Variants in CA10 observed in about 807,000 individuals in gnomAD.
CA10 encodes the protein carbonic anhydrase-related protein 10.
In CA10, 14 loss-of-function variants were observed where a neutral mutation model predicts 44.2. The ratio of observed to expected loss-of-function variants is 0.32; its 90% CI spans 0.21 to 0.50. CA10 has a LOEUF of 0.50. Among genes scored for constraint, CA10 ranks in the 20% least tolerant of loss-of-function variants. The pLI, the probability that CA10 is intolerant of heterozygous loss-of-function variation, is 0.99. For synonymous variants in CA10, 159 were observed against 141.6 expected (o/e 1.12, Z -0.87); for missense variants, 350 against 409.7 (o/e 0.85, Z 1.26).
chr17:51,883,251 C>G (rs1050250729), intron 3 of CA10, among the ~76,000 whole-genome samples: 8 of 152,074 alleles, frequency 5.3e-5, no homozygotes, highest in African/African-American at 1.9e-4. Flanking sequence ...TTTTCTTTCT[C>G]TCTTCTAATT....
At chr17:51,930,055 AG>A (rs1835009434) in intron 3 of CA10, among the ~76,000 whole-genome samples, 1 of 152,132 alleles carries the variant, frequency 6.6e-6, no homozygotes, top group African/African-American at 2.4e-5. Context: ...ATACATCAGA[AG>A]GGGAAAAAGT....
rs375228295 is a variant in CA10 at position 51,747,646 on chromosome 17, G to T, written c.452C>A (p.Ala151Asp). 5 of 1,612,464 alleles carry T rather than the reference G, an allele frequency of 3.1e-6. No individual in the cohort carries two copies. Among genetic ancestry groups the T allele is most frequent in the South Asian group, 1.1e-5 (1 of 90,722 alleles). ...AGACTAACATACCTCCCCAGAGAAG[G>T]CCTGTCCATTGAGGAGGTGCTCCGA... ...QGSEHLLNGQ[A>D]FSGEVQLIHY... Residue 151 changes from alanine (A) to aspartate (D), a missense_variant, in exon 4 of 9, where the codon GCC becomes GAC. Transcript: ENST00000451037.
intron 1 of CA10, among the ~76,000 whole-genome samples, chr17:52,138,749 G>A (rs932607980): frequency 6.6e-6 from 1 of 152,146 alleles, no homozygotes; most frequent in Admixed American, 6.5e-5. Flanking sequence ...TTAGAGCAAT[G>A]CCATAATATA....
intron 4 of CA10, among the ~76,000 whole-genome samples, chr17:51,679,404 T>C (rs773619177): frequency 2.0e-5 from 3 of 150,738 alleles, no homozygotes; most frequent in East Asian, 2.0e-4. Context: ...GGACTACAAG[T>C]GCCCACCACC....
chr17:52,059,525 C>A (rs1987322201), intron 2 of CA10, among the ~76,000 whole-genome samples: 1 of 152,078 alleles, frequency 6.6e-6, no homozygotes, highest in Admixed American at 6.6e-5. Context: ...CACACACTCC[C>A]TGCCCAAGAA....
At position 51,636,013 on chromosome 17, in the gene CA10, G is replaced by C; in HGVS notation, c.635-4C>G. The C allele has an allele frequency of 6.4e-7, 1 of 1,554,128 alleles. No homozygotes were observed. On this transcript the variant is annotated splice_polypyrimidine_tract_variant and splice_region_variant and intron_variant, in intron 6 of 8. Coordinates refer to ENST00000451037, the MANE Select transcript of CA10 (RefSeq NM_020178.5). ...CCCTGTAGTAAATATGCATCATCTA[G>C]AGAAGGAAAGAAGACTTAAAAATTA...
intron 2 of CA10, among the ~76,000 whole-genome samples, chr17:52,051,766 C>T (rs192872342): frequency 6.6e-5 from 10 of 152,134 alleles, no homozygotes; most frequent in African/African-American, 2.2e-4. Flanking sequence ...AACTCAGCAG[C>T]CCCATTACTG....
Position 51,909,555 on chromosome 17 carries a change from C to A in CA10, c.279+21435G>T, listed in dbSNP as rs139793450. On this transcript the variant is annotated intron_variant, in intron 3 of 8. Coordinates refer to ENST00000451037, the MANE Select transcript of CA10 (RefSeq NM_020178.5). Reference sequence around the variant, plus strand: ...AATAAAAAGCAATCCTTTATAAGAACAAAATTACAGTGTTGAGATGAAACG... The same window carrying A: ...AATAAAAAGCAATCCTTTATAAGAAAAAAATTACAGTGTTGAGATGAAACG... 3.2e-3 allele frequency among the ~76,000 whole-genome samples: 490 copies of A among 152,168 alleles called. 4 individuals are homozygous for A. The highest frequency in any genetic ancestry group is 0.011 in the African/African-American group (455 of 41,546).
Position 52,156,776 on chromosome 17 carries a change from TG to T in CA10, c.61+949del, listed in dbSNP as rs1989812334. The stretch of plus-strand genomic sequence containing the variant: ...TGCAGGCAGAAGGGAGCACTACAAA[TG>T]GGCTTTTCCTTGGGTGCTTAAGTGG... On this transcript the variant is annotated intron_variant, in intron 1 of 8. Coordinates refer to ENST00000451037, the MANE Select transcript of CA10 (RefSeq NM_020178.5). Among the ~76,000 whole-genome samples the T allele has an allele frequency of 3.3e-5, 5 of 152,308 alleles. No individual in the cohort carries two copies. In the South Asian group the frequency reaches 1.0e-3, roughly 32 times the overall value.
intron 3 of CA10, among the ~76,000 whole-genome samples, chr17:51,801,428 C>CCCT (rs1260046562): frequency 6.6e-6 from 1 of 151,998 alleles, no homozygotes; most frequent in African/African-American, 2.4e-5. Flanking sequence ...TGTTGGCAGG[C>CCCT]TGTCATGGGC....
At chr17:51,898,861 G>A (rs56327773) in intron 3 of CA10, among the ~76,000 whole-genome samples, 14,910 of 151,458 alleles carry the variant, frequency 0.098, 919 homozygotes, top group African/African-American at 0.18. Context: ...TAGTCTCTGA[G>A]GTTTTTTTTA....
intron 1 of CA10, among the ~76,000 whole-genome samples, chr17:52,104,246 G>A (rs1188064301): frequency 6.7e-6 from 1 of 150,152 alleles, no homozygotes; most frequent in African/African-American, 2.5e-5. Flanking sequence ...CACCTAGGCT[G>A]AAGTGCAGTG....
intron 1 of CA10, among the ~76,000 whole-genome samples, chr17:52,146,881 T>A (rs1989600404): frequency 6.6e-6 from 1 of 152,012 alleles, no homozygotes; most frequent in South Asian, 2.1e-4. Context: ...ACAGCCCCCA[T>A]CAACCTTGTG....
At chr17:51,655,482 G>T (rs1055677698) in intron 4 of CA10, among the ~76,000 whole-genome samples, 1 of 152,246 alleles carries the variant, frequency 6.6e-6, no homozygotes, top group Non-Finnish European at 1.5e-5. Flanking sequence ...GATCAAAAAA[G>T]ATGCTTTTCC....
intron 3 of CA10, among the ~76,000 whole-genome samples, chr17:51,916,573 G>A (rs1024032996): frequency 6.6e-6 from 1 of 152,144 alleles, no homozygotes; most frequent in African/African-American, 2.4e-5. Flanking sequence ...TGCCGTGTGA[G>A]ACATGCCTTT....
chr17:51,842,632 C>G (rs1165122863), intron 3 of CA10, among the ~76,000 whole-genome samples: 4 of 152,082 alleles, frequency 2.6e-5, no homozygotes, highest in Non-Finnish European at 5.9e-5. Flanking sequence ...GCATCGTTGG[C>G]ATGAAACTCT....
At chr17:51,867,621 C>A (rs553112758) in intron 3 of CA10, among the ~76,000 whole-genome samples, 1 of 152,184 alleles carries the variant, frequency 6.6e-6, no homozygotes, top group Non-Finnish European at 1.5e-5. Flanking sequence ...AACCAACCAA[C>A]CCCAAGCAAA....
At chr17:51,938,912 A>T (rs1843488200) in intron 2 of CA10, among the ~76,000 whole-genome samples, 1 of 152,100 alleles carries the variant, frequency 6.6e-6, no homozygotes, top group Admixed American at 6.6e-5. Flanking sequence ...AGGGAACTAG[A>T]ATTTGAGATC....
chr17:51,801,782 T>C (rs1906943389), intron 3 of CA10, among the ~76,000 whole-genome samples: 3 of 152,240 alleles, frequency 2.0e-5, no homozygotes, highest in Non-Finnish European at 4.4e-5. Context: ...CCATGTTTTA[T>C]GATAGGGATC....
Sources: allele counts gnomAD v4.1 joint callset (sites outside exome capture counted in the v4.1 genomes callset), GRCh38; gene constraint gnomAD v4.1.1; transcripts MANE v1.5; gene names NCBI Gene and HGNC (gene_info 2026-07-23, HGNC 2026-07-21).